GRIK2: variants seen among roughly 807,000 people sequenced by gnomAD.
GRIK2 encodes glutamate receptor ionotropic, kainate 2.
A neutral mutation model predicts 100.3 loss-of-function variants in GRIK2; 32 were observed. The observed-to-expected ratio is 0.32, with a 90% CI of 0.24 to 0.43. The LOEUF (loss-of-function observed/expected upper bound fraction) is 0.43, where lower values mean the gene tolerates loss of function less well. Ranked by LOEUF, GRIK2 falls within the 20% of genes least tolerant of loss-of-function variation. The pLI, the probability that GRIK2 is intolerant of heterozygous loss-of-function variation, is 1.00. For missense variants in GRIK2, 843 were observed against 1,114.9 expected (o/e 0.76, Z 3.47); for synonymous variants, 417 against 389.4 (o/e 1.07, Z -0.83).
At chr6:101,823,865 T>G (rs931430242) in intron 10 of GRIK2, among the ~76,000 whole-genome samples, 1 of 148,706 alleles carries the variant, frequency 6.7e-6, no homozygotes, top group African/African-American at 2.6e-5. Context: ...AAGTTCTGTT[T>G]TTTTTTTTTT....
intron 14 of GRIK2, among the ~76,000 whole-genome samples, chr6:101,946,501 G>T (rs1193858528): frequency 6.8e-6 from 1 of 147,744 alleles, no homozygotes; most frequent in African/African-American, 2.5e-5. Flanking sequence ...ATTGCACTTA[G>T]TCTTGGATTG....
chr6:101,419,798 T>G (rs1361664816), intron 2 of GRIK2, among the ~76,000 whole-genome samples: 1 of 152,194 alleles, frequency 6.6e-6, no homozygotes, highest in African/African-American at 2.4e-5. Flanking sequence ...TGAATGTAGT[T>G]GAATTTCACT....
chr6:101,909,381 T>TTGTTGTTG lies in GRIK2; in HGVS notation c.1749-15220_1749-15219insTGTTGTTG, dbSNP rs1562480959. Among the ~76,000 whole-genome samples, 729 of 136,172 alleles carry TTGTTGTTG rather than the reference T, an allele frequency of 5.4e-3. 32 individuals are homozygous for TTGTTGTTG. The highest frequency in any genetic ancestry group is 0.02 in the African/African-American group (685 of 35,106). 89.3% of individuals were successfully genotyped at this position (136,172 alleles called of 152,430 possible). A position where few individuals can be genotyped will look rare whatever the true frequency, so the allele number is the denominator to read the frequency against. On this transcript the variant is annotated intron_variant, in intron 12 of 16. Coordinates refer to ENST00000369134, the MANE Select transcript of GRIK2 (RefSeq NM_021956.5). ...CTGAAGGAAGATAGGGTTTTCTTTT[T>TTGTTGTTG]CTTTTTTTTTTTTTTAAAGATCATT... is the stretch of plus-strand genomic sequence containing the variant.
intron 12 of GRIK2, among the ~76,000 whole-genome samples, chr6:101,901,993 G>A (rs922134815): frequency 1.3e-5 from 2 of 151,490 alleles, no homozygotes; most frequent in African/African-American, 4.8e-5. Context: ...ATTAAATAAT[G>A]TCGAGCAATT....
intron 2 of GRIK2, among the ~76,000 whole-genome samples, chr6:101,453,442 T>C (rs2128249939): frequency 6.6e-6 from 1 of 152,122 alleles, no homozygotes; most frequent in South Asian, 2.1e-4. Flanking sequence ...TATATTTATA[T>C]CAAAGCTAAG....
intron 2 of GRIK2, among the ~76,000 whole-genome samples, chr6:101,410,776 CT>C (rs1291456085): frequency 5.9e-5 from 9 of 152,108 alleles, no homozygotes; most frequent in Non-Finnish European, 1.5e-5. Context: ...ACATGTACCC[CT>C]GAACCTAAAG....
chr6:101,407,510 C>A (rs1216188840), intron 2 of GRIK2, among the ~76,000 whole-genome samples: 1 of 152,106 alleles, frequency 6.6e-6, no homozygotes, highest in Non-Finnish European at 1.5e-5. Flanking sequence ...AGAAAGAAAT[C>A]TGGTAGCTCC....
intron 9 of GRIK2, among the ~76,000 whole-genome samples, chr6:101,804,526 A>G (rs1466393091): frequency 2.6e-5 from 4 of 152,034 alleles, no homozygotes; most frequent in Non-Finnish European, 2.9e-5. Context: ...AACCATCAGC[A>G]ATGTTGTTAG....
chr6:102,031,859 G>A (rs562611070), intron 14 of GRIK2, among the ~76,000 whole-genome samples: 17 of 151,318 alleles, frequency 1.1e-4, no homozygotes, highest in African/African-American at 4.1e-4. Context: ...AAATAAAAGA[G>A]TAACTTGGCT....
chr6:101,812,304 T>C (rs1781382393), intron 9 of GRIK2, among the ~76,000 whole-genome samples: 1 of 151,796 alleles, frequency 6.6e-6, no homozygotes, highest in Non-Finnish European at 1.5e-5. Flanking sequence ...CTTACTCTAT[T>C]TATTTATTCA....
At chr6:101,552,590 G>A (rs1776560436) in intron 2 of GRIK2, among the ~76,000 whole-genome samples, 1 of 152,110 alleles carries the variant, frequency 6.6e-6, no homozygotes, top group East Asian at 1.9e-4. Context: ...CTCCTTCATG[G>A]CATTATATAT....
At chr6:101,904,967 A>C (rs1157833058) in intron 12 of GRIK2, among the ~76,000 whole-genome samples, 3 of 151,542 alleles carry the variant, frequency 2.0e-5, no homozygotes, top group African/African-American at 7.2e-5. Context: ...TATGACAAAC[A>C]ATGTACAAGC....
chr6:101,864,245 G>A (rs1257275856), intron 11 of GRIK2, among the ~76,000 whole-genome samples: 1 of 152,070 alleles, frequency 6.6e-6, no homozygotes, highest in Non-Finnish European at 1.5e-5. Context: ...CAGTGAGACA[G>A]CAGAGTTTGG....
chr6:101,679,570 C>A (rs1487699414), intron 5 of GRIK2, among the ~76,000 whole-genome samples: 1 of 151,918 alleles, frequency 6.6e-6, no homozygotes. Flanking sequence ...TCAAAAGTAG[C>A]AGTAAGACAT....
At chr6:101,951,524 T>C (rs1283436087) in intron 14 of GRIK2, among the ~76,000 whole-genome samples, 9 of 152,224 alleles carry the variant, frequency 5.9e-5, no homozygotes. Flanking sequence ...CTGTAAGAAA[T>C]AATACAGAGA....
chr6:101,694,062 T>C (rs1772304460), intron 7 of GRIK2, among the ~76,000 whole-genome samples: 1 of 152,042 alleles, frequency 6.6e-6, no homozygotes, highest in Non-Finnish European at 1.5e-5. Context: ...GACAAGAGCA[T>C]GAAGTCCAAC....
At chr6:102,020,041 C>T (rs1769342609) in intron 14 of GRIK2, among the ~76,000 whole-genome samples, 2 of 151,846 alleles carry the variant, frequency 1.3e-5, no homozygotes, top group Admixed American at 6.6e-5. Context: ...TTAAAAAAGT[C>T]CTCTTTAGGT....
At chr6:101,914,203 G>GAA (rs1788945574) in intron 12 of GRIK2, among the ~76,000 whole-genome samples, 1 of 151,342 alleles carries the variant, frequency 6.6e-6, no homozygotes, top group Non-Finnish European at 1.5e-5. Context: ...GGATATTTAA[G>GAA]AAAAAGATAG....
At chr6:101,580,520 TC>T in intron 2 of GRIK2, among the ~76,000 whole-genome samples, 1 of 152,220 alleles carries the variant, frequency 6.6e-6, no homozygotes, top group East Asian at 1.9e-4. Context: ...TACAGGAGCC[TC>T]CCATTAGTTC....
Sources: allele counts gnomAD v4.1 joint callset (sites outside exome capture counted in the v4.1 genomes callset), GRCh38; gene constraint gnomAD v4.1.1; transcripts MANE v1.5; gene names NCBI Gene and HGNC (gene_info 2026-07-23, HGNC 2026-07-21).